RMDN1: variants seen among roughly 807,000 people sequenced by gnomAD.
The protein encoded by RMDN1 is regulator of microtubule dynamics protein 1.
A neutral mutation model predicts 48.9 loss-of-function variants in RMDN1; 48 were observed. The ratio of observed to expected loss-of-function variants is 0.98; its 90% CI spans 0.78 to 1.25. The LOEUF is 1.25. RMDN1 is among the 50% of genes most tolerant of loss of function. The pLI is 0.00. For synonymous variants in RMDN1, 148 were observed against 132.6 expected (o/e 1.12, Z -0.80); for missense variants, 418 against 373.4 (o/e 1.12, Z -0.98).
downstream of RMDN1, chr8:86,470,319 G>T: frequency 7.8e-7 from 1 of 1,289,376 alleles, no homozygotes; most frequent in Non-Finnish European, 1.0e-6. Flanking sequence ...GAAGGAGAAT[G>T]TAAGGGATTC....
intron 2 of RMDN1, among the ~76,000 whole-genome samples, chr8:86,490,994 T>A (rs1231378310): frequency 1.4e-5 from 2 of 148,100 alleles, no homozygotes; most frequent in Non-Finnish European, 1.5e-5. Context: ...ACCATATCTT[T>A]AAAAAAAAAA....
chr8:86,513,587 G>A (rs1411457688), upstream of RMDN1, among the ~76,000 whole-genome samples: 3 of 152,128 alleles, frequency 2.0e-5, no homozygotes, highest in Non-Finnish European at 4.4e-5. Context: ...TGCACTTTGA[G>A]GTTAGTTTAC....
chr8:86,489,242 G>A (rs990397807), intron 2 of RMDN1, among the ~76,000 whole-genome samples: 8 of 152,166 alleles, frequency 5.3e-5, no homozygotes, highest in Non-Finnish European at 1.0e-4. Context: ...AAATTTAGAT[G>A]AAGCTAACTA....
rs1563656376 is a variant in RMDN1, at chr8:86,503,375, A to AAAAAAAAAAC, written c.247+3619_247+3620insGTTTTTTTTT. 6.8e-4 allele frequency among the ~76,000 whole-genome samples: 59 copies of AAAAAAAAAAC among 87,156 alleles called. No individual in the cohort carries two copies. The East Asian group carries it at 8.8e-3, about 13-fold the overall frequency. The allele number at this position is 87,156 out of a possible 152,430, so 57.2% of individuals were successfully genotyped here. The stretch of plus-strand genomic sequence containing the variant: ...TCAAAACAAAACAAAACAAAACAAA[A>AAAAAAAAAAC]AAAAAAAAAAAAAACAAAAAAAAAT... On this transcript the variant is annotated intron_variant, in intron 2 of 9. Transcript: ENST00000406452.
intron 8 of RMDN1, among the ~76,000 whole-genome samples, chr8:86,475,683 C>T (rs1380432595): frequency 1.3e-5 from 2 of 152,128 alleles, no homozygotes; most frequent in Non-Finnish European, 2.9e-5. Context: ...GTCCCCCTAA[C>T]AATCTGAGAT....
chr8:86,498,105 A>G (rs1014551819), intron 2 of RMDN1, among the ~76,000 whole-genome samples: 2 of 152,206 alleles, frequency 1.3e-5, no homozygotes, highest in African/African-American at 2.4e-5. Flanking sequence ...TCAAAAATAA[A>G]AATCCTCAGA....
Position 86,486,589 on chromosome 8 carries a change from C to T in RMDN1, c.390G>A (p.Gln130=). The T allele has an allele frequency of 6.2e-7, 1 of 1,612,810 alleles. No homozygotes were observed. The part of the protein sequence containing the change: ...RLARASRDVA[Q]LSRTSEEEKK... ...TCTCCTCTTCTGAGGTTCTGCTAAG[C>T]TGAGCTACATCACGTGATGCCCGTG... Residue 130 remains glutamine, a synonymous_variant, in exon 4 of 10, where the codon CAG becomes CAA. Transcript: ENST00000406452.
chr8:86,501,853 C>T (rs2131204653), intron 2 of RMDN1, among the ~76,000 whole-genome samples: 1 of 151,728 alleles, frequency 6.6e-6, no homozygotes, highest in South Asian at 2.1e-4. Flanking sequence ...TAAGTATTTG[C>T]CAAAATAAAT....
intron 1 of RMDN1, 42 bp from the exon 2 acceptor site, chr8:86,507,154 T>C (rs761792325): frequency 2.4e-6 from 3 of 1,250,406 alleles, no homozygotes; most frequent in East Asian, 2.3e-5. Flanking sequence ...CTTTGAAAAT[T>C]TGAAGGTACT....
At chr8:86,509,422 G>GA (rs1228898819), upstream of RMDN1, among the ~76,000 whole-genome samples, 1 of 152,114 alleles carries the variant, frequency 6.6e-6, no homozygotes, top group Non-Finnish European at 1.5e-5. Flanking sequence ...GTGGGAAAAT[G>GA]AAGAAATTTT....
At chr8:86,496,270 G>A (rs1181742660) in intron 2 of RMDN1, among the ~76,000 whole-genome samples, 1 of 152,198 alleles carries the variant, frequency 6.6e-6, no homozygotes, top group Non-Finnish European at 1.5e-5. Context: ...CTAACCACAT[G>A]ATGACAGGAT....
At position 86,508,682 on chromosome 8, in the gene RMDN1, A is replaced by C. The variant is rs1221141641; in HGVS notation, c.-62T>G. The C allele has an allele frequency of 2.6e-5, 39 of 1,488,900 alleles. No homozygotes were observed. Among genetic ancestry groups the C allele is most frequent in the Non-Finnish European group, 3.1e-5 (35 of 1,123,714 alleles). The allele number at this position is 1,488,900 out of a possible 1,614,324, so 92.2% of individuals were successfully genotyped here. On this transcript the variant is annotated 5_prime_UTR_variant, in exon 1 of 10. Transcript: ENST00000406452. ...GGCAGCTACGGAGGCGGGCGGGGCT[A>C]AAGGAGATTCAATCCTTCCGGAAAG...
At chr8:86,499,317 C>A (rs1817850583) in intron 2 of RMDN1, among the ~76,000 whole-genome samples, 2 of 152,116 alleles carry the variant, frequency 1.3e-5, no homozygotes, top group African/African-American at 4.8e-5. Flanking sequence ...CTAGAAAACC[C>A]CATAAACAGT....
Position 86,488,622 on chromosome 8 carries a change from G to T in RMDN1, c.265C>A (p.Gln89Lys). ...ATAKVEEILE[Q>K]ADYLYESGET... ...CCGCTTTCATACAGGTAGTCTGCTT[G>T]TTCAAGTATTTCTTCAACTTCAAAG... Residue 89 changes from glutamine (Q) to lysine (K), a missense_variant, in exon 3 of 10, where the codon CAA becomes AAA. Physicochemically the swap from Gln to Lys is moderately conservative, Grantham distance 53 (BLOSUM62 1). Transcript: ENST00000406452. 1 of 1,608,024 alleles carries T rather than the reference G, an allele frequency of 6.2e-7. No individual in the cohort carries two copies. Among genetic ancestry groups the T allele is most frequent in the Non-Finnish European group, 8.5e-7 (1 of 1,177,136 alleles).
chr8:86,504,350 C>T, intron 2 of RMDN1: 3 of 1,578,208 alleles, frequency 1.9e-6, no homozygotes, highest in South Asian at 2.2e-5. Flanking sequence ...AAGCAAGTCA[C>T]CGTGCTGGAG....
chr8:86,471,417 T>C (rs993601353), downstream of RMDN1, among the ~76,000 whole-genome samples: 4 of 151,880 alleles, frequency 2.6e-5, no homozygotes, highest in East Asian at 1.9e-4. Context: ...TAAAGAGAAA[T>C]TGAAAATGAG....
intron 2 of RMDN1, among the ~76,000 whole-genome samples, chr8:86,498,443 G>C (rs1424854440): frequency 6.6e-6 from 1 of 152,032 alleles, no homozygotes; most frequent in East Asian, 1.9e-4. Flanking sequence ...AAACTTGTCA[G>C]AGACACAATG....
chr8:86,493,683 T>C (rs1382671146), intron 2 of RMDN1, among the ~76,000 whole-genome samples: 1 of 152,188 alleles, frequency 6.6e-6, no homozygotes, highest in African/African-American at 2.4e-5. Context: ...AGAGCCAACA[T>C]GATGCCACAA....
chr8:86,496,832 T>C (rs887751272), intron 2 of RMDN1, among the ~76,000 whole-genome samples: 9 of 152,024 alleles, frequency 5.9e-5, no homozygotes, highest in African/African-American at 1.4e-4. Context: ...AACAACAGAA[T>C]GTACATTCTT....
Sources: gnomAD v4.1 joint callset for allele counts (sites outside exome capture counted in the v4.1 genomes callset) on GRCh38, gnomAD v4.1.1 for gene constraint, MANE v1.5 for transcripts, NCBI Gene and HGNC (gene_info 2026-07-23, HGNC 2026-07-21) for gene names.